Variants in NRG3 observed in about 807,000 individuals in gnomAD.
The protein encoded by NRG3 is pro-neuregulin-3, membrane-bound isoform.
A neutral mutation model predicts 66.9 loss-of-function variants in NRG3; 31 were observed. The observed-to-expected ratio is 0.46, with a 90% CI of 0.35 to 0.63. The LOEUF (loss-of-function observed/expected upper bound fraction) is 0.63. NRG3 is among the 20% of genes least tolerant of loss of function. The pLI is 0.00. For missense variants in NRG3, 910 were observed against 878.9 expected (o/e 1.04, Z -0.45); for synonymous variants, 393 against 359.4 (o/e 1.09, Z -1.06).
intron 1 of NRG3, among the ~76,000 whole-genome samples, chr10:82,141,112 A>G (rs1011835108): frequency 1.3e-5 from 2 of 152,154 alleles, no homozygotes; most frequent in Non-Finnish European, 2.9e-5. Context: ...AATCTTCCCG[A>G]AAAGTGGTAT....
At chr10:82,397,990 A>G (rs2086823359) in intron 2 of NRG3, among the ~76,000 whole-genome samples, 1 of 152,176 alleles carries the variant, frequency 6.6e-6, no homozygotes, top group South Asian at 2.1e-4. Flanking sequence ...CTTACAGTGT[A>G]TGCAAGGAGA....
rs1020349052 is a variant in NRG3, at chr10:82,862,274, C to A, written c.1028-3137C>A. Among the ~76,000 whole-genome samples, 4 of 152,176 alleles carry A rather than the reference C, an allele frequency of 2.6e-5. 1 individual carries two copies. The highest frequency in any genetic ancestry group is 2.0e-4 in the Admixed American group (3 of 15,284). On this transcript the variant is annotated intron_variant, in intron 3 of 8. Coordinates refer to ENST00000372141, the MANE Select transcript of NRG3 (RefSeq NM_001010848.4). ...AGTCTGTTATTCCTGATGTAACTTC[C>A]CCAGCACCAAAAGCACAAGAAACTA...
chr10:82,003,988 A>AACAC (rs746699197), intron 1 of NRG3, among the ~76,000 whole-genome samples: 5,002 of 134,326 alleles, frequency 0.037, 110 homozygotes, highest in Middle Eastern at 0.068. Context: ...CCTGACTGAA[A>AACAC]ACACACACAC....
intron 1 of NRG3, among the ~76,000 whole-genome samples, chr10:82,235,382 G>A (rs2076703766): frequency 6.6e-6 from 1 of 152,140 alleles, no homozygotes; most frequent in Non-Finnish European, 1.5e-5. Context: ...CTTAGATACA[G>A]TATTAGAATA....
At chr10:82,667,687 A>C (rs910613800) in intron 2 of NRG3, among the ~76,000 whole-genome samples, 1 of 152,174 alleles carries the variant, frequency 6.6e-6, no homozygotes, top group Admixed American at 6.5e-5. Context: ...ACTCCTTGTC[A>C]AGAATGTCAG....
intron 2 of NRG3, among the ~76,000 whole-genome samples, chr10:82,506,677 T>A (rs1844711924): frequency 6.6e-6 from 1 of 152,154 alleles, no homozygotes; most frequent in South Asian, 2.1e-4. Flanking sequence ...TGGAGCAGGC[T>A]TCCAGTTTCA....
chr10:82,776,449 A>C (rs997449330), intron 3 of NRG3, among the ~76,000 whole-genome samples: 11 of 152,064 alleles, frequency 7.2e-5, no homozygotes, highest in Non-Finnish European at 1.6e-4. Flanking sequence ...AGCTTCATGG[A>C]TCTGTATGTT....
At chr10:81,960,292 A>C (rs1850230081) in intron 1 of NRG3, among the ~76,000 whole-genome samples, 1 of 152,166 alleles carries the variant, frequency 6.6e-6, no homozygotes, top group African/African-American at 2.4e-5. Context: ...AGATGACTAT[A>C]ACTTCAAATT....
intron 2 of NRG3, among the ~76,000 whole-genome samples, chr10:82,508,939 G>A (rs1339468407): frequency 2.0e-5 from 3 of 152,184 alleles, no homozygotes; most frequent in Non-Finnish European, 4.4e-5. Context: ...GGGAGTGACA[G>A]AGTTTTCCTA....
intron 2 of NRG3, among the ~76,000 whole-genome samples, chr10:82,462,154 A>T (rs917288583): frequency 9.2e-5 from 14 of 151,922 alleles, no homozygotes; most frequent in Admixed American, 2.6e-4. Flanking sequence ...TAAATAAATA[A>T]ATCTATCTAT....
intron 1 of NRG3, among the ~76,000 whole-genome samples, chr10:82,232,002 A>G (rs1206321439): frequency 6.6e-6 from 1 of 152,074 alleles, no homozygotes; most frequent in Non-Finnish European, 1.5e-5. Flanking sequence ...ATGAACTGAA[A>G]CTCTAAGCAT....
intron 2 of NRG3, among the ~76,000 whole-genome samples, chr10:82,719,247 A>T (rs2057154393): frequency 6.6e-6 from 1 of 152,180 alleles, no homozygotes; most frequent in Non-Finnish European, 1.5e-5. Context: ...AAGAAGATGG[A>T]TGCAGAGGTT....
rs139314953 is a variant in NRG3 at position 82,031,944 on chromosome 10, A to G, written c.823+155781A>G. 9.9e-5 allele frequency among the ~76,000 whole-genome samples: 15 copies of G among 152,122 alleles called. No homozygotes were observed. The East Asian group carries it at 2.9e-3, about 30-fold the overall frequency. On this transcript the variant is annotated intron_variant, in intron 1 of 8. Coordinates refer to ENST00000372141, the MANE Select transcript of NRG3 (RefSeq NM_001010848.4). ...CACATCAATAATTTTTTCACCTCCA[A>G]GCCACCCCTTCACACCACCTTCATG...
At chr10:82,970,842 G>A (rs1020532890) in intron 6 of NRG3, among the ~76,000 whole-genome samples, 1 of 152,112 alleles carries the variant, frequency 6.6e-6, no homozygotes, top group African/African-American at 2.4e-5. Context: ...GTTTTTGAAT[G>A]TATTTCCATT....
intron 2 of NRG3, among the ~76,000 whole-genome samples, chr10:82,660,695 C>T (rs533753769): frequency 2.7e-4 from 41 of 152,224 alleles, no homozygotes; most frequent in Non-Finnish European, 5.1e-4. Flanking sequence ...TTATCTCTTG[C>T]GTTCCTGTTA....
intron 2 of NRG3, among the ~76,000 whole-genome samples, chr10:82,524,379 C>T (rs369540501): frequency 7.9e-5 from 12 of 151,906 alleles, no homozygotes; most frequent in African/African-American, 1.4e-4. Flanking sequence ...TGCTGAATAA[C>T]GTTAGTTTCA....
intron 1 of NRG3, among the ~76,000 whole-genome samples, chr10:82,277,431 A>G (rs2078908677): frequency 6.6e-6 from 1 of 152,138 alleles, no homozygotes; most frequent in African/African-American, 2.4e-5. Flanking sequence ...TTTTACTTAT[A>G]GATAATTCAG....
chr10:82,878,812 T>G lies in NRG3; in HGVS notation c.1054+13375T>G, dbSNP rs1268753284. On this transcript the variant is annotated intron_variant, in intron 4 of 8. Transcript: ENST00000372141. ...GCATACCATTCCCCTGCATGAAACT[T>G]TTTAATGGATTTAGAATGAAATCTA... Among the ~76,000 whole-genome samples, 3 of 152,200 alleles carry G rather than the reference T, an allele frequency of 2.0e-5. No homozygotes were observed. The South Asian group carries it at 6.2e-4, about 31-fold the overall frequency.
chr10:82,163,763 G>T (rs909285342), intron 1 of NRG3, among the ~76,000 whole-genome samples: 5 of 152,060 alleles, frequency 3.3e-5, no homozygotes, highest in Admixed American at 1.3e-4. Flanking sequence ...GGCCGTGGTT[G>T]ATCTTAGGTT....
Sources: allele counts gnomAD v4.1 joint callset (sites outside exome capture counted in the v4.1 genomes callset), GRCh38; gene constraint gnomAD v4.1.1; transcripts MANE v1.5; gene names NCBI Gene and HGNC (gene_info 2026-07-23, HGNC 2026-07-21).